Variants in FAM107B observed in about 807,000 individuals in gnomAD.
FAM107B encodes the protein family with sequence similarity 107 member B.
Under a neutral mutation model 31.5 loss-of-function variants are expected in FAM107B, and 21 were observed. That is an observed-to-expected ratio of 0.67 (90% CI 0.47 to 0.96). The LOEUF (loss-of-function observed/expected upper bound fraction) is 0.96, where lower values mean the gene tolerates loss of function less well. Ranked by LOEUF, FAM107B falls within the 40% of genes least tolerant of loss-of-function variation. The pLI is 0.00. For synonymous variants in FAM107B, 157 were observed against 141.5 expected, an observed-to-expected ratio of 1.11 and a Z score of -0.78; for missense variants, 452 against 377.1, an observed-to-expected ratio of 1.20 and a Z score of -1.64.
At chr10:14,743,427 C>A (rs185004547) in intron 1 of FAM107B, among the ~76,000 whole-genome samples, 1 of 152,082 alleles carries the variant, frequency 6.6e-6, no homozygotes, top group African/African-American at 2.4e-5. Context: ...AATCTTTGCC[C>A]GTGCCTATGT....
intron 3 of FAM107B, among the ~76,000 whole-genome samples, chr10:14,526,887 G>A (rs1846300901): frequency 1.3e-5 from 2 of 151,654 alleles, no homozygotes; most frequent in African/African-American, 4.8e-5. Context: ...ACCCAGGCTG[G>A]AGTGTAGTGG....
intron 1 of FAM107B, among the ~76,000 whole-genome samples, chr10:14,690,227 G>A (rs1275659846): frequency 6.6e-6 from 1 of 152,194 alleles, no homozygotes; most frequent in Non-Finnish European, 1.5e-5. Flanking sequence ...GGAGGAGAGT[G>A]AGGTCAAGAC....
At chr10:14,523,523 T>A (rs1845889642) in intron 3 of FAM107B, among the ~76,000 whole-genome samples, 1 of 152,156 alleles carries the variant, frequency 6.6e-6, no homozygotes, top group Non-Finnish European at 1.5e-5. Flanking sequence ...CCCACACACC[T>A]CCTGGTCCGG....
intron 2 of FAM107B, among the ~76,000 whole-genome samples, chr10:14,603,632 C>T (rs1450236434): frequency 2.0e-5 from 3 of 152,210 alleles, no homozygotes; most frequent in Non-Finnish European, 4.4e-5. Context: ...AATTACGGAA[C>T]CCAAATTGAA....
chr10:14,668,212 T>C (rs1237101029), intron 1 of FAM107B, among the ~76,000 whole-genome samples: 1 of 152,020 alleles, frequency 6.6e-6, no homozygotes, highest in African/African-American at 2.4e-5. Context: ...TGGCTGATTT[T>C]TTTTGTATTT....
chr10:14,532,170 C>T (rs1251113660), intron 2 of FAM107B, among the ~76,000 whole-genome samples: 2 of 152,168 alleles, frequency 1.3e-5, no homozygotes, highest in Non-Finnish European at 2.9e-5. Context: ...TGTGACACTG[C>T]TCACTGTCTC....
intron 2 of FAM107B, among the ~76,000 whole-genome samples, chr10:14,647,026 C>T (rs1853774412): frequency 6.6e-6 from 1 of 151,962 alleles, no homozygotes; most frequent in East Asian, 1.9e-4. Context: ...GATCTCCTGA[C>T]CTCGTGATCC....
intron 2 of FAM107B, among the ~76,000 whole-genome samples, chr10:14,662,393 T>TC (rs1854268124): frequency 1.3e-5 from 2 of 151,196 alleles, no homozygotes; most frequent in Non-Finnish European, 3.0e-5. Context: ...TTTTTTTTTT[T>TC]GGAGACAGGG....
intron 2 of FAM107B, among the ~76,000 whole-genome samples, chr10:14,624,225 T>C (rs1853094846): frequency 6.6e-6 from 1 of 151,874 alleles, no homozygotes; most frequent in African/African-American, 2.4e-5. Context: ...ATAAGGATGG[T>C]GAATAAAACC....
intron 1 of FAM107B, among the ~76,000 whole-genome samples, chr10:14,681,221 C>G (rs1854826251): frequency 6.6e-6 from 1 of 152,242 alleles, no homozygotes; most frequent in Non-Finnish European, 1.5e-5. Flanking sequence ...GGCCCTACCC[C>G]TCTTCAGCAG....
At chr10:14,608,137 A>AACC (rs1852639109) in intron 2 of FAM107B, among the ~76,000 whole-genome samples, 1 of 152,196 alleles carries the variant, frequency 6.6e-6, no homozygotes. Context: ...TTTACACCCA[A>AACC]ACCACCATGC....
chr10:14,708,164 G>A (rs1011207983), intron 1 of FAM107B, among the ~76,000 whole-genome samples: 16 of 151,882 alleles, frequency 1.1e-4, no homozygotes, highest in African/African-American at 2.9e-4. Flanking sequence ...TGAAAACTCC[G>A]CCTCCCAGGT....
chr10:14,662,061 T>C (rs748304922), intron 2 of FAM107B, among the ~76,000 whole-genome samples: 15 of 152,236 alleles, frequency 9.9e-5, no homozygotes, highest in South Asian at 2.1e-4. Flanking sequence ...GTATCACCAT[T>C]ACCTCATTCT....
intron 2 of FAM107B, among the ~76,000 whole-genome samples, chr10:14,567,128 G>A (rs1850738083): frequency 6.6e-6 from 1 of 152,158 alleles, no homozygotes; most frequent in Non-Finnish European, 1.5e-5. Context: ...ACTCCAGCCT[G>A]GGTGACAGAG....
intron 2 of FAM107B, among the ~76,000 whole-genome samples, chr10:14,649,727 A>G (rs1225292763): frequency 1.3e-5 from 2 of 152,206 alleles, no homozygotes; most frequent in Non-Finnish European, 2.9e-5. Context: ...TAAAGTGTAT[A>G]AAACCAAGCT....
chr10:14,760,974 TGC>T (rs1833031287), intron 1 of FAM107B, among the ~76,000 whole-genome samples: 1 of 128,826 alleles, frequency 7.8e-6, no homozygotes, highest in African/African-American at 3.1e-5. Flanking sequence ...ATCGTGCCAC[TGC>T]ACTCCAGCCT....
intron 2 of FAM107B, among the ~76,000 whole-genome samples, chr10:14,664,617 G>A (rs1328341094): frequency 6.6e-6 from 1 of 152,164 alleles, no homozygotes; most frequent in African/African-American, 2.4e-5. Context: ...GCCTCAGTGT[G>A]TAGTAGGTTA....
In FAM107B at chr10:14,752,063, T is replaced by G. The variant is rs140280350; in HGVS notation, c.411+22190A>C. ...TGATATTTACTGGGCCAAGGAGGAT[T>G]TTTTTCCATTTCAGACTGATGTCAC... On this transcript the variant is annotated intron_variant, in intron 1 of 4. Transcript: ENST00000181796. Among the ~76,000 whole-genome samples, 351 of 152,314 alleles carry G rather than the reference T, an allele frequency of 2.3e-3. 1 individual carries two copies. The highest frequency in any genetic ancestry group is 8.0e-3 in the African/African-American group (331 of 41,564).
intron 2 of FAM107B, among the ~76,000 whole-genome samples, chr10:14,661,286 C>G (rs746266992): frequency 6.6e-6 from 1 of 152,176 alleles, no homozygotes; most frequent in African/African-American, 2.4e-5. Context: ...AAATTGACTG[C>G]GCTAAGGGGT....
Sources: gnomAD v4.1 joint callset for allele counts (sites outside exome capture counted in the v4.1 genomes callset) on GRCh38, gnomAD v4.1.1 for gene constraint, MANE v1.5 for transcripts, NCBI Gene and HGNC (gene_info 2026-07-23, HGNC 2026-07-21) for gene names.